The following FREM3 variants were observed in gnomAD, a reference collection of about 807,000 sequenced individuals.
FREM3 encodes FRAS1 related extracellular matrix 3.
A neutral mutation model predicts 129.1 loss-of-function variants in FREM3; 105 were observed. The observed-to-expected ratio is 0.81, with a 90% CI of 0.69 to 0.96. FREM3 has a LOEUF of 0.96. FREM3 is among the 40% of genes least tolerant of loss of function. The pLI, the probability that FREM3 is intolerant of heterozygous loss-of-function variation, is 0.00. For missense variants in FREM3, 2,593 were observed against 2,666.3 expected, an observed-to-expected ratio of 0.97 and a Z score of 0.61; for synonymous variants, 1,014 against 1,044.9, an observed-to-expected ratio of 0.97 and a Z score of 0.57.
At chr4:143,636,387 G>GAA (rs1479599998) in intron 2 of FREM3, among the ~76,000 whole-genome samples, 1 of 149,204 alleles carries the variant, frequency 6.7e-6, no homozygotes, top group Non-Finnish European at 1.5e-5. Context: ...AAGGAGACAG[G>GAA]AATCAGTAGA....
intron 2 of FREM3, among the ~76,000 whole-genome samples, chr4:143,663,893 T>C (rs1739793037): frequency 6.6e-6 from 1 of 152,182 alleles, no homozygotes; most frequent in African/African-American, 2.4e-5. Flanking sequence ...CTGAGGCTTC[T>C]GCATTCTTCA....
chr4:143,658,155 G>A (rs1217633200), intron 2 of FREM3, among the ~76,000 whole-genome samples: 6 of 152,148 alleles, frequency 3.9e-5, no homozygotes, highest in Non-Finnish European at 8.8e-5. Flanking sequence ...TGAGTACTGT[G>A]GTCTGAACAT....
chr4:143,697,329 C>G lies in FREM3; in HGVS notation c.3347G>C (p.Gly1116Ala). 1 of 1,537,094 alleles carries G rather than the reference C, an allele frequency of 6.5e-7. No individual in the cohort carries two copies. The highest frequency in any genetic ancestry group is 1.2e-5 in the South Asian group (1 of 84,050). Reference sequence around the variant, plus strand: ...AGCTGATGCAATCTTTTCCAGGTAGCCAGAGGCTGGCTGACTAGTCACTGT... The same window carrying G: ...AGCTGATGCAATCTTTTCCAGGTAGGCAGAGGCTGGCTGACTAGTCACTGT... Reference protein sequence around the residue: ...LCTVTSQPASGYLEKIASAPG... With the variant: ...LCTVTSQPASAYLEKIASAPG... Residue 1116 changes from glycine (G) to alanine (A), a missense_variant, in exon 1 of 8, where the codon GGC becomes GCC. Transcript: ENST00000329798.
At chr4:143,581,977 C>G (rs959679991) in intron 7 of FREM3, among the ~76,000 whole-genome samples, 1 of 152,088 alleles carries the variant, frequency 6.6e-6, no homozygotes. Context: ...CCAGTCTGTC[C>G]TCCCTGTGAG....
In FREM3 at chr4:143,696,682, C is replaced by A; in HGVS notation, c.3994G>T (p.Ala1332Ser). ...SEIITNRILK[A>S]TDLDSDDKSL... ...TTATCATCTGAGTCAAGATCTGTGG[C>A]CTTGAGGATCCGATTTGTGATGATC... Residue 1332 changes from alanine to serine, a missense_variant, in exon 1 of 8, where the codon GCC becomes TCC. Physicochemically the swap from Ala to Ser is moderately conservative, Grantham distance 99. Transcript: ENST00000329798. 1.3e-6 allele frequency: 2 copies of A among 1,537,832 alleles called. No individual in the cohort carries two copies. The highest frequency in any genetic ancestry group is 1.7e-6 in the Non-Finnish European group (2 of 1,147,052).
At chr4:143,672,895 GC>G (rs1327938063) in intron 2 of FREM3, among the ~76,000 whole-genome samples, 1 of 152,160 alleles carries the variant, frequency 6.6e-6, no homozygotes, top group Non-Finnish European at 1.5e-5. Context: ...AGCTAATGAA[GC>G]TTGTGCATTC....
chr4:143,581,891 C>T (rs1347114984), intron 7 of FREM3, among the ~76,000 whole-genome samples: 2 of 152,012 alleles, frequency 1.3e-5, no homozygotes, highest in East Asian at 1.9e-4. Flanking sequence ...CTTGCTGCCC[C>T]CAGAGAAGAA....
chr4:143,694,861 T>G (rs1381551657), intron 1 of FREM3, among the ~76,000 whole-genome samples: 1 of 152,202 alleles, frequency 6.6e-6, no homozygotes, highest in African/African-American at 2.4e-5. Context: ...CACAGAGCTA[T>G]CTAAAAAAGT....
intron 2 of FREM3, among the ~76,000 whole-genome samples, chr4:143,685,915 T>A (rs1172630963): frequency 6.6e-6 from 1 of 152,132 alleles, no homozygotes; most frequent in Non-Finnish European, 1.5e-5. Flanking sequence ...CTAATGTAGA[T>A]GATGGGTTGA....
At chr4:143,608,997 T>TA (rs1343294196) in intron 6 of FREM3, among the ~76,000 whole-genome samples, 1 of 152,166 alleles carries the variant, frequency 6.6e-6, no homozygotes, top group Non-Finnish European at 1.5e-5. Context: ...TGGGTGGTGT[T>TA]TATTAACTAA....
chr4:143,698,145 C>G lies in FREM3; in HGVS notation c.2531G>C (p.Ser844Thr). 4 of 1,537,466 alleles carry G rather than the reference C, an allele frequency of 2.6e-6. No individual in the cohort carries two copies. ...NRGFAILEGG[S>T]FNLSSNELHV... The stretch of plus-strand genomic sequence containing the variant: ...CAGCTCATTACTGCTGAGGTTAAAG[C>G]TGCCTCCCTCTAAGATAGCAAAGCC... Residue 844 changes from serine to threonine, a missense_variant, in exon 1 of 8, where the codon AGC becomes ACC. Around this residue, in one of 2 missense-constraint regions of FREM3, gnomAD observed 2,276 missense variants for 2,267.2 expected, o/e 1.00. Transcript: ENST00000329798.
At chr4:143,628,833 G>A (rs1739091272) in intron 2 of FREM3, among the ~76,000 whole-genome samples, 1 of 152,144 alleles carries the variant, frequency 6.6e-6, no homozygotes, top group South Asian at 2.1e-4. Context: ...TATAGTTGGA[G>A]TCCATGTGAC....
intron 2 of FREM3, among the ~76,000 whole-genome samples, chr4:143,676,849 C>G (rs1370908266): frequency 6.6e-6 from 1 of 150,678 alleles, no homozygotes; most frequent in African/African-American, 2.5e-5. Context: ...CGTGAAGGAC[C>G]TCTTCAAGGA....
intron 2 of FREM3, among the ~76,000 whole-genome samples, chr4:143,681,904 A>T (rs1740257837): frequency 6.6e-6 from 1 of 152,220 alleles, no homozygotes; most frequent in Non-Finnish European, 1.5e-5. Flanking sequence ...TCAGCTCAGT[A>T]AGTAGCATCA....
At chr4:143,602,980 T>C (rs1447542076) in intron 6 of FREM3, among the ~76,000 whole-genome samples, 2 of 152,192 alleles carry the variant, frequency 1.3e-5, no homozygotes, top group African/African-American at 4.8e-5. Flanking sequence ...TGATGGGATT[T>C]CTCAGATCCC....
At chr4:143,616,144 T>C (rs1387141355) in intron 5 of FREM3, among the ~76,000 whole-genome samples, 1 of 152,208 alleles carries the variant, frequency 6.6e-6, no homozygotes. Context: ...AACAAAGTGC[T>C]TAACAATGGA....
chr4:143,619,635 G>A (rs1280378581), intron 5 of FREM3, among the ~76,000 whole-genome samples: 1 of 152,138 alleles, frequency 6.6e-6, no homozygotes, highest in African/African-American at 2.4e-5. Flanking sequence ...TAAATAAAAT[G>A]AACATGAGCT....
At chr4:143,599,914 G>A (rs1205000217) in intron 6 of FREM3, among the ~76,000 whole-genome samples, 1 of 152,164 alleles carries the variant, frequency 6.6e-6, no homozygotes, top group Non-Finnish European at 1.5e-5. Flanking sequence ...AATGTAGGAT[G>A]GAAGACTTTG....
chr4:143,577,357 A>G lies in FREM3; in HGVS notation c.*254T>C, dbSNP rs1387604208. ...TCACAGTGGATTTCTTACTTGCCTC[A>G]GAAACAAAGTAAAACAAAATAGAAA... On this transcript the variant is annotated 3_prime_UTR_variant, in exon 8 of 8. Coordinates refer to ENST00000329798, the MANE Select transcript of FREM3 (RefSeq NM_001168235.2). 1.0e-5 allele frequency: 5 copies of G among 492,866 alleles called. No individual in the cohort carries two copies. Among genetic ancestry groups the G allele is most frequent in the African/African-American group, 9.7e-5 (5 of 51,426 alleles). The allele number at this position is 492,866 out of a possible 1,614,324, so 30.5% of individuals were successfully genotyped here.
Sources: gnomAD v4.1 joint callset for allele counts (sites outside exome capture counted in the v4.1 genomes callset) on GRCh38, gnomAD v4.1.1 for gene constraint, gnomAD v4.1.1 regional missense constraint, MANE v1.5 for transcripts, NCBI Gene and HGNC (gene_info 2026-07-23, HGNC 2026-07-21) for gene names.